Variants in RAB5C observed in about 807,000 individuals in gnomAD.
RAB5C encodes the protein ras-related protein Rab-5C.
RAB5C carries 4 observed loss-of-function variants against 25.2 expected under a neutral mutation model. The ratio of observed to expected loss-of-function variants is 0.16; its 90% CI spans 0.08 to 0.36. RAB5C has a LOEUF of 0.36. Ranked by LOEUF, RAB5C falls within the 10% of genes least tolerant of loss-of-function variation. The pLI is 1.00. For synonymous variants in RAB5C, 100 were observed against 106.4 expected (o/e 0.94, Z 0.37); for missense variants, 199 against 283.8 (o/e 0.70, Z 2.15).
intron 1 of RAB5C, among the ~76,000 whole-genome samples, chr17:42,138,318 T>TTGGCCC (rs1391492822): frequency 1.2e-4 from 19 of 152,160 alleles, no homozygotes; most frequent in African/African-American, 3.9e-4. Flanking sequence ...CAGGGGAAGC[T>TTGGCCC]TGGCCCTGGC....
intron 1 of RAB5C, among the ~76,000 whole-genome samples, chr17:42,136,866 G>C (rs2054541612): frequency 6.6e-6 from 1 of 152,184 alleles, no homozygotes. Context: ...TCTCCTATTA[G>C]AGATAGAAAG....
Position 42,130,489 on chromosome 17 carries a change from C to T in RAB5C, c.14G>A (p.Gly5Glu). 1 of 1,614,082 alleles carries T rather than the reference C, an allele frequency of 6.2e-7. No individual in the cohort carries two copies. Among genetic ancestry groups the T allele is most frequent in the South Asian group, 1.1e-5 (1 of 91,082 alleles). MAGR[G>E]GAARPNGPAA... ...TGGTCCATTGGGTCGTGCTGCGCCT[C>T]CCCGACCCGCCATTGCCCGTCCAGC... is the stretch of plus-strand genomic sequence containing the variant. The change falls in exon 2 of 6, where the codon GGA becomes GAA. Residue 5 changes from glycine to glutamate, a missense_variant. By Grantham distance (98) the Gly-to-Glu change is moderately conservative (BLOSUM62 -2). Around this residue, in one of 3 missense-constraint regions of RAB5C, gnomAD observed 21 missense variants for 20.2 expected, o/e 1.04. Coordinates refer to ENST00000346213, the MANE Select transcript of RAB5C (RefSeq NM_004583.4).
In RAB5C at chr17:42,126,631, C is replaced by CAAAA. The variant is rs71357528; in HGVS notation, c.535+120_535+123dup. The CAAAA allele has an allele frequency of 1.5e-3, 125 of 84,540 alleles. 5 individuals carry two copies. The highest frequency in any genetic ancestry group is 2.6e-3 in the South Asian group (28 of 10,952). The allele number at this position is 84,540 out of a possible 1,614,324, so 5.2% of individuals were successfully genotyped here. Reference sequence around the variant, plus strand: ...TGGGTGATAGAGCGAGACTCCATCTCAAAAAAAAAAAAAAAAAAAAAAAAA... The same window carrying CAAAA: ...TGGGTGATAGAGCGAGACTCCATCTCAAAAAAAAAAAAAAAAAAAAAAAAAAAAA... On this transcript the variant is annotated intron_variant, in intron 5 of 5. Coordinates refer to ENST00000346213, the MANE Select transcript of RAB5C (RefSeq NM_004583.4).
chr17:42,144,875 C>T (rs1413799074), intron 1 of RAB5C, among the ~76,000 whole-genome samples: 3 of 125,824 alleles, frequency 2.4e-5, no homozygotes, highest in Non-Finnish European at 3.2e-5. Context: ...TGCAGTGAGC[C>T]GAGATTGCCC....
At chr17:42,142,500 G>A (rs2079609259) in intron 1 of RAB5C, among the ~76,000 whole-genome samples, 1 of 152,158 alleles carries the variant, frequency 6.6e-6, no homozygotes, top group African/African-American at 2.4e-5. Context: ...CTAGAGGTTT[G>A]GAAACTGGCG....
rs782559570 is a variant in RAB5C, at chr17:42,125,841, C to T, written c.593G>A (p.Arg198Gln). The T allele has an allele frequency of 1.1e-5, 17 of 1,611,872 alleles. No individual in the cohort carries two copies. The highest frequency in any genetic ancestry group is 8.9e-5 in the East Asian group (4 of 44,836). Residue 198 changes from arginine to glutamine, a missense_variant, in exon 6 of 6, where the codon CGA (arginine) becomes CAA (glutamine). By Grantham distance (43) the Arg-to-Gln change is conservative. Coordinates refer to ENST00000346213, the MANE Select transcript of RAB5C (RefSeq NM_004583.4). The stretch of plus-strand genomic sequence containing the variant: ...GTTGTTCTCCTGGAGGTCCACACCT[C>T]GGTTTCGGCCTGGAGCACCAGTTGC... ...QNATGAPGRN[R>Q]GVDLQENNPA... is the part of the protein sequence containing the mutation.
At position 42,131,772 on chromosome 17, in the gene RAB5C, T is replaced by A. The variant is rs1217207143; in HGVS notation, c.-88-1182A>T. The stretch of plus-strand genomic sequence containing the variant: ...GCTTCAGAGGCTCAACTTTTTGTTT[T>A]TGTTAAGTTTTGGAATTGCAGACAC... On this transcript the variant is annotated intron_variant, in intron 1 of 5. Transcript: ENST00000346213. 5 of 634,792 alleles carry A rather than the reference T, an allele frequency of 7.9e-6. No individual in the cohort carries two copies. In the East Asian group the frequency reaches 1.5e-4, roughly 19 times the overall value. The allele number at this position is 634,792 out of a possible 1,614,324, so 39.3% of individuals were successfully genotyped here.
intron 1 of RAB5C, among the ~76,000 whole-genome samples, chr17:42,140,113 C>G (rs1018986092): frequency 6.6e-6 from 1 of 152,068 alleles, no homozygotes; most frequent in Non-Finnish European, 1.5e-5. Flanking sequence ...TTCCCTAGGC[C>G]CAGAAAGACT....
intron 1 of RAB5C, among the ~76,000 whole-genome samples, chr17:42,152,708 G>A (rs1049927430): frequency 5.9e-5 from 9 of 151,940 alleles, no homozygotes; most frequent in African/African-American, 2.2e-4. Context: ...GATCTCGGGA[G>A]GCAGAGGCTG....
rs1297819200 is a variant in RAB5C, at chr17:42,128,695, T to C, written c.272A>G (p.Tyr91Cys). The change falls in exon 3 of 6, where the codon TAT becomes TGT. Residue 91 changes from tyrosine (Y) to cysteine (C), a missense_variant. By Grantham distance (194) the Tyr-to-Cys change is radical. Coordinates refer to ENST00000346213, the MANE Select transcript of RAB5C (RefSeq NM_004583.4). ...CACGATGGCAGCCTGGGCCCCCCGA[T>C]AGTACATGGGGGCCAGGCTGTGATA... is the stretch of plus-strand genomic sequence containing the variant. The part of the protein sequence containing the change: ...ERYHSLAPMY[Y>C]RGAQAAIVVY... The C allele has an allele frequency of 3.2e-6, 5 of 1,538,682 alleles. No individual in the cohort carries two copies. Among genetic ancestry groups the C allele is most frequent in the Admixed American group, 2.2e-5 (1 of 46,506 alleles).
intron 2 of RAB5C, 60 bp downstream of exon 2, chr17:42,130,277 G>C: frequency 1.3e-6 from 2 of 1,545,646 alleles, no homozygotes; most frequent in Non-Finnish European, 1.8e-6. Context: ...ATCTCCTCAA[G>C]GTCAAAGCAT....
chr17:42,146,380 G>A (rs756226847), intron 1 of RAB5C, among the ~76,000 whole-genome samples: 3 of 152,184 alleles, frequency 2.0e-5, no homozygotes, highest in African/African-American at 4.8e-5. Flanking sequence ...TACTATCTGC[G>A]TAACTTTTCT....
intron 1 of RAB5C, among the ~76,000 whole-genome samples, chr17:42,136,795 C>T (rs1385566513): frequency 6.6e-6 from 1 of 152,148 alleles, no homozygotes; most frequent in Admixed American, 6.6e-5. Flanking sequence ...CCTAGGGTCA[C>T]ACAGCCAGCT....
intron 1 of RAB5C, among the ~76,000 whole-genome samples, chr17:42,140,852 A>G (rs548004999): frequency 6.6e-6 from 1 of 151,342 alleles, no homozygotes; most frequent in South Asian, 2.1e-4. Flanking sequence ...TTTTTGAGAC[A>G]GGGTCTTGCT....
chr17:42,127,966 C>T (rs999059116), intron 4 of RAB5C, among the ~76,000 whole-genome samples: 4 of 151,996 alleles, frequency 2.6e-5, no homozygotes, highest in South Asian at 2.1e-4. Flanking sequence ...ACTACAGGTG[C>T]GTGCCACCAA....
At chr17:42,128,135 G>T in intron 4 of RAB5C, 126 bp downstream of exon 4, 1 of 1,374,240 alleles carries the variant, frequency 7.3e-7, no homozygotes, top group Non-Finnish European at 9.8e-7. Context: ...AGGCACGAGA[G>T]GACAGCAGAT....
Position 42,152,940 on chromosome 17 carries a change from T to C in RAB5C, c.-89+1953A>G, listed in dbSNP as rs550985366. ...AGACCTAAGTCTGGTCAGAGACCAATGGCCAGTGAGCAGTCAGGCCTCTCT... is the reference window on the plus strand; with the variant it reads ...AGACCTAAGTCTGGTCAGAGACCAACGGCCAGTGAGCAGTCAGGCCTCTCT... On this transcript the variant is annotated intron_variant, in intron 1 of 5. Transcript: ENST00000346213. 6.6e-4 allele frequency among the ~76,000 whole-genome samples: 101 copies of C among 152,314 alleles called. 2 individuals carry two copies. In the South Asian group the frequency reaches 0.021, roughly 32 times the overall value.
chr17:42,126,941 C>T (rs2054432609), intron 4 of RAB5C, 93 bp from the exon 5 acceptor site: 2 of 773,822 alleles, frequency 2.6e-6, no homozygotes, highest in Admixed American at 2.0e-5. Flanking sequence ...TATTCGAGCA[C>T]CTTATCATAA....
intron 1 of RAB5C, among the ~76,000 whole-genome samples, chr17:42,133,795 C>A (rs1273304179): frequency 6.6e-6 from 1 of 152,220 alleles, no homozygotes; most frequent in Non-Finnish European, 1.5e-5. Context: ...GTCTCACACA[C>A]ATCATGTTGA....
Sources: gnomAD v4.1 joint callset for allele counts (sites outside exome capture counted in the v4.1 genomes callset) on GRCh38, gnomAD v4.1.1 for gene constraint, gnomAD v4.1.1 regional missense constraint, MANE v1.5 for transcripts, NCBI Gene and HGNC (gene_info 2026-07-23, HGNC 2026-07-21) for gene names.